The following CROCC variants were observed in gnomAD, a reference collection of about 807,000 sequenced individuals.
CROCC encodes rootletin.
In CROCC, 180 loss-of-function variants were observed where a neutral mutation model predicts 245.2. The observed-to-expected ratio is 0.73, with a 90% confidence interval of 0.65 to 0.83. The LOEUF is 0.83. Ranked by LOEUF, CROCC falls within the 40% of genes least tolerant of loss-of-function variation. The pLI is 0.00. For missense variants in CROCC, 2,688 were observed against 2,779.4 expected, an observed-to-expected ratio of 0.97 and a Z score of 0.74; for synonymous variants, 1,205 against 1,241.6, an observed-to-expected ratio of 0.97 and a Z score of 0.62.
chr1:16,940,356 T>A (rs2075902430), intron 13 of CROCC, among the ~76,000 whole-genome samples: 1 of 151,204 alleles, frequency 6.6e-6, no homozygotes, highest in Non-Finnish European at 1.5e-5. Context: ...CCCGAGTATC[T>A]GGGACTACAG....
intron 13 of CROCC, among the ~76,000 whole-genome samples, 191 bp downstream of exon 13, chr1:16,940,284 C>T (rs1298693253): frequency 5.9e-5 from 9 of 152,264 alleles, no homozygotes; most frequent in African/African-American, 1.2e-4. Flanking sequence ...AGTGCAGTGG[C>T]GCGATCTCGG....
intron 8 of CROCC, among the ~76,000 whole-genome samples, chr1:16,933,388 AC>A (rs1400307723): frequency 6.6e-6 from 1 of 152,258 alleles, no homozygotes; most frequent in African/African-American, 2.4e-5. Context: ...ACTCGCCTGA[AC>A]CCAGGAGGCG....
chr1:16,966,600 G>T lies in CROCC; in HGVS notation c.4860+29G>T. 6.9e-7 allele frequency: 1 copy of T among 1,452,700 alleles called. No individual in the cohort carries two copies. The highest frequency in any genetic ancestry group is 1.4e-5 in the South Asian group (1 of 72,600). The allele number at this position is 1,452,700 out of a possible 1,614,324, so 90.0% of individuals were successfully genotyped here. Reference sequence around the variant, plus strand: ...GGCAGGAGCTGAGGGCCAGCGGGGCGACGGGGAATCTGTGTACCCGAGTGA... The same window carrying T: ...GGCAGGAGCTGAGGGCCAGCGGGGCTACGGGGAATCTGTGTACCCGAGTGA... On this transcript the variant is annotated intron_variant, in intron 30 of 36. Coordinates refer to ENST00000375541, the MANE Select transcript of CROCC (RefSeq NM_014675.5). This position sits in a 1 kb window ranked among gnomAD's most constrained non-coding sequence, Gnocchi z 4.8.
intron 3 of CROCC, 85 bp downstream of exon 3, chr1:16,924,564 G>A: frequency 7.3e-6 from 11 of 1,514,650 alleles, no homozygotes; most frequent in Non-Finnish European, 9.8e-6. Flanking sequence ...CACACACGGG[G>A]CAAAAGATGG....
In CROCC at chr1:16,938,918, T is replaced by C. The variant is rs143408534; in HGVS notation, c.1384T>C (p.Ser462Pro). 129 of 1,603,716 alleles carry C rather than the reference T, an allele frequency of 8.0e-5. No homozygotes were observed. Among genetic ancestry groups the C allele is most frequent in the Non-Finnish European group, 8.6e-5 (101 of 1,177,136 alleles). The change falls in exon 12 of 37, where the codon TCA becomes CCA. Residue 462 changes from serine to proline, a missense_variant. Physicochemically the swap from Ser to Pro is moderately conservative, Grantham distance 74. This residue lies in a region of CROCC where 972 missense variants were observed against 895.3 expected (regional missense o/e 1.09). Transcript: ENST00000375541. ...TLRDLAQAVL[S>P]DSESGVQLSG... ...CCTCCCCCACCCTCAGGCCGTCTTG[T>C]CAGACTCTGAGAGCGGCGTCCAGCT...
At chr1:16,921,838 C>A, upstream of CROCC, 1 of 621,950 alleles carries the variant, frequency 1.6e-6, no homozygotes, top group Non-Finnish European at 2.9e-6. Context: ...CCTTTCCCAT[C>A]CCCTCCCTCC....
chr1:16,961,485 T>C (rs2076333718), intron 27 of CROCC, among the ~76,000 whole-genome samples: 1 of 152,118 alleles, frequency 6.6e-6, no homozygotes, highest in South Asian at 2.1e-4. Context: ...TTGCCCAGGC[T>C]GGTCTTAAAC....
upstream of CROCC, among the ~76,000 whole-genome samples, chr1:16,919,818 G>A (rs180976591): frequency 4.2e-4 from 64 of 152,382 alleles, no homozygotes; most frequent in Middle Eastern, 0.01. Flanking sequence ...GGGCTCAAGC[G>A]ATTCTCCCAT....
chr1:16,952,913 A>C (rs980402906), intron 20 of CROCC, among the ~76,000 whole-genome samples: 18 of 152,016 alleles, frequency 1.2e-4, no homozygotes, highest in Admixed American at 4.6e-4. Context: ...CATGGCCCAC[A>C]CGGCCTGTCC....
chr1:16,951,226 G>A (rs1476259906), intron 20 of CROCC, 104 bp downstream of exon 20: 28 of 1,077,694 alleles, frequency 2.6e-5, no homozygotes, highest in Admixed American at 3.7e-5. Context: ...CTTCCTCTCT[G>A]TTGTGGAGGT....
chr1:16,919,058 A>C (rs2075350079), upstream of CROCC, among the ~76,000 whole-genome samples: 1 of 152,268 alleles, frequency 6.6e-6, no homozygotes, highest in Non-Finnish European at 1.5e-5. Context: ...GTTTTGCCCA[A>C]ATCTGGCTTG....
chr1:16,930,495 C>A lies in CROCC; in HGVS notation c.750C>A (p.Asn250Lys). The change falls in exon 7 of 37, where the codon AAC (asparagine) becomes AAA (lysine). Residue 250 changes from asparagine (N) to lysine (K), a missense_variant. By Grantham distance (94) the Asn-to-Lys change is moderately conservative (BLOSUM62 0). Transcript: ENST00000375541. ...REQLDQAGSA[N>K]QALSEDIRKV... ...AGCTGGACCAGGCAGGCTCGGCCAA[C>A]CAGGCTCTGAGTGAGGACATACGAA... 6.2e-7 allele frequency: 1 copy of A among 1,612,424 alleles called. No individual in the cohort carries two copies. The highest frequency in any genetic ancestry group is 1.1e-5 in the South Asian group (1 of 90,966).
In CROCC at chr1:16,966,786, G is replaced by A. The variant is rs1199190012; in HGVS notation, c.4860+215G>A. Among the ~76,000 whole-genome samples, 1 of 152,204 alleles carries A rather than the reference G, an allele frequency of 6.6e-6. No individual in the cohort carries two copies. On this transcript the variant is annotated intron_variant, in intron 30 of 36. Coordinates refer to ENST00000375541, the MANE Select transcript of CROCC (RefSeq NM_014675.5). This position sits in a 1 kb window ranked among gnomAD's most constrained non-coding sequence, Gnocchi z 4.8. ...GTAGAAAAAAGAGCTTGGTCAAGGT[G>A]CAGTAGCTCATGCCTGTAATCCTAG...
chr1:16,955,860 C>CAGGGCTT, intron 24 of CROCC, 137 bp from the exon 25 acceptor site: 2 of 1,123,346 alleles, frequency 1.8e-6, no homozygotes, highest in East Asian at 5.2e-5. Context: ...CTGCAGGGCT[C>CAGGGCTT]AGGGCTTAGC....
At position 16,939,017 on chromosome 1, in the gene CROCC, C is replaced by T. The variant is rs569940282; in HGVS notation, c.1483C>T (p.Pro495Ser). The T allele has an allele frequency of 1.9e-6, 3 of 1,601,054 alleles. No homozygotes were observed. The highest frequency in any genetic ancestry group is 2.2e-5 in the South Asian group (2 of 89,690). ...GCTCTCGGGCCAGCGGACCCCGTCC[C>T]CACCGCGGCGCTCCTCGCCCGGCCG... ...RGLSGQRTPSPPRRSSPGRGR... is the reference protein window; with the variant it reads ...RGLSGQRTPSSPRRSSPGRGR... The change falls in exon 12 of 37, where the codon CCA becomes TCA. Residue 495 changes from proline (P) to serine (S), a missense_variant. Around this residue, in one of 9 missense-constraint regions of CROCC, gnomAD observed 972 missense variants for 895.3 expected, o/e 1.09. Coordinates refer to ENST00000375541, the MANE Select transcript of CROCC (RefSeq NM_014675.5).
At chr1:16,950,672 G>A (rs1321138716) in intron 19 of CROCC, among the ~76,000 whole-genome samples, 1 of 152,238 alleles carries the variant, frequency 6.6e-6, no homozygotes, top group African/African-American at 2.4e-5. Flanking sequence ...GTTGTTATAT[G>A]TTTGACATCC....
intron 12 of CROCC, among the ~76,000 whole-genome samples, 159 bp from the exon 13 acceptor site, chr1:16,939,735 C>T (rs561312218): frequency 1.6e-4 from 24 of 152,226 alleles, no homozygotes; most frequent in Admixed American, 1.3e-3. Context: ...GGAGCGGAAG[C>T]CTGGCTCTCA....
rs983438184 is a variant in CROCC, at chr1:16,965,979, C to T, written c.4576-20C>T. 5 of 1,608,948 alleles carry T rather than the reference C, an allele frequency of 3.1e-6. No individual in the cohort carries two copies. The African/African-American group carries it at 6.7e-5, about 21-fold the overall frequency. The stretch of plus-strand genomic sequence containing the variant: ...GTCAGAGCAGGGGTCTGTCTTTGTT[C>T]CCCCATGTCGGGGCTACAGGACGAA... On this transcript the variant is annotated intron_variant, in intron 28 of 36. Transcript: ENST00000375541.
chr1:16,971,701 AAGAGG>A, intron 36 of CROCC, 54 bp downstream of exon 36: 1 of 1,411,654 alleles, frequency 7.1e-7, no homozygotes, highest in African/African-American at 1.4e-5. Context: ...GGGCTGCAGA[AAGAGG>A]AGAGACCCAA....
Sources: allele counts gnomAD v4.1 joint callset (sites outside exome capture counted in the v4.1 genomes callset), GRCh38; gene constraint gnomAD v4.1.1; regional missense constraint gnomAD v4.1.1; non-coding constraint Gnocchi (gnomAD v3.1); transcripts MANE v1.5; gene names NCBI Gene and HGNC (gene_info 2026-07-23, HGNC 2026-07-21).